The following CEP192 variants were observed in gnomAD, a reference collection of about 807,000 sequenced individuals.
CEP192 encodes centrosomal protein of 192 kDa.
In CEP192, 151 loss-of-function variants were observed where a neutral mutation model predicts 271.8. The ratio of observed to expected loss-of-function variants is 0.56; its 90% CI spans 0.49 to 0.64. The LOEUF (loss-of-function observed/expected upper bound fraction) is 0.64. CEP192 is among the 30% of genes least tolerant of loss of function. CEP192 has a pLI of 0.00. For synonymous variants in CEP192, 995 were observed against 1,076.5 expected (o/e 0.92, Z 1.48); for missense variants, 2,910 against 3,020.5 (o/e 0.96, Z 0.86).
rs1309619382 is a variant in CEP192 at position 13,040,931 on chromosome 18, T to G, written c.1911T>G (p.Ala637=). 5 of 1,611,892 alleles carry G rather than the reference T, an allele frequency of 3.1e-6. No homozygotes were observed. In the South Asian group the frequency reaches 5.5e-5, roughly 18 times the overall value. Residue 637 remains alanine, a synonymous_variant, in exon 14 of 45, where the codon GCT becomes GCG. Transcript: ENST00000506447. ...VSRGNLEKEM[A]HLNHDLYSGD... Reference sequence around the variant, plus strand: ...GAGGTAATTTGGAAAAAGAAATGGCTCATCTTAACCATGATCTATATTCAG... The same window carrying G: ...GAGGTAATTTGGAAAAAGAAATGGCGCATCTTAACCATGATCTATATTCAG...
At chr18:12,997,117 T>C (rs2033298707) in intron 1 of CEP192, among the ~76,000 whole-genome samples, 1 of 152,018 alleles carries the variant, frequency 6.6e-6, no homozygotes, top group African/African-American at 2.4e-5. Context: ...GGGGGCCGAT[T>C]GGTAGAGTGG....
At chr18:13,115,522 G>T (rs777749889) in intron 42 of CEP192, among the ~76,000 whole-genome samples, 1 of 152,120 alleles carries the variant, frequency 6.6e-6, no homozygotes, top group Non-Finnish European at 1.5e-5. Context: ...AGGTATGCGT[G>T]TGTAGGACAA....
At chr18:13,007,867 T>G (rs2034079074) in intron 3 of CEP192, among the ~76,000 whole-genome samples, 1 of 152,246 alleles carries the variant, frequency 6.6e-6, no homozygotes. Context: ...TTTGTTGCAT[T>G]TAGAGGCTTT....
intron 4 of CEP192, among the ~76,000 whole-genome samples, chr18:13,011,965 T>G (rs2034385908): frequency 6.6e-6 from 1 of 152,168 alleles, no homozygotes; most frequent in African/African-American, 2.4e-5. Context: ...GTATTACTCA[T>G]CCACAAAAAG....
chr18:13,055,992 T>C lies in CEP192; in HGVS notation c.3402T>C (p.Phe1134=), dbSNP rs774999588. Residue 1134 remains phenylalanine, a synonymous_variant, in exon 19 of 45, where the codon TTT becomes TTC. Coordinates refer to ENST00000506447, the MANE Select transcript of CEP192 (RefSeq NM_032142.4). The part of the protein sequence containing the change: ...SSKPEYVKPD[F]RWSKDPSSKS... Reference sequence around the variant, plus strand: ...AGCCTGAATATGTAAAACCTGACTTTAGATGGAGTAAAGATCCTTCCTCCA... The same window carrying C: ...AGCCTGAATATGTAAAACCTGACTTCAGATGGAGTAAAGATCCTTCCTCCA... 1.2e-6 allele frequency: 2 copies of C among 1,614,208 alleles called. No homozygotes were observed. The highest frequency in any genetic ancestry group is 1.3e-5 in the African/African-American group (1 of 75,054).
Position 13,124,945 on chromosome 18 carries a change from C to A in CEP192, c.*175C>A. On this transcript the variant is annotated 3_prime_UTR_variant, in exon 45 of 45. Transcript: ENST00000506447. ...TCGACTGAAATATTATGTATCTAGCCCATAGTATTGTACTTAACTTTTACA... is the reference window on the plus strand; with the variant it reads ...TCGACTGAAATATTATGTATCTAGCACATAGTATTGTACTTAACTTTTACA... 11 of 534,950 alleles carry A rather than the reference C, an allele frequency of 2.1e-5. No individual in the cohort carries two copies. The South Asian group carries it at 2.8e-4, about 14-fold the overall frequency. 33.1% of individuals were successfully genotyped at this position (534,950 alleles called of 1,614,324 possible). A position where few individuals can be genotyped will look rare whatever the true frequency, so the allele number is the denominator to read the frequency against.
intron 21 of CEP192, among the ~76,000 whole-genome samples, chr18:13,064,878 C>T (rs1273854223): frequency 5.3e-5 from 8 of 152,032 alleles, no homozygotes; most frequent in African/African-American, 1.4e-4. Context: ...GTAGTATGGA[C>T]GTTTTAACAA....
chr18:13,108,762 C>G (rs2040072089), intron 40 of CEP192, among the ~76,000 whole-genome samples: 1 of 152,160 alleles, frequency 6.6e-6, no homozygotes, highest in Non-Finnish European at 1.5e-5. Flanking sequence ...GTAGTTCTAC[C>G]TACTTGGGAG....
Position 13,114,251 on chromosome 18 carries a change from A to G in CEP192, c.7289A>G (p.Glu2430Gly). The change falls in exon 42 of 45, where the codon GAG becomes GGG. Residue 2430 changes from glutamate to glycine, a missense_variant and splice_region_variant. Transcript: ENST00000506447. ...AVSEASARIP[E>G]QLDVTARGVY... ...TCAGAGGCTTCTGCTCGCATACCTGAGTATGTTGTTTTTGTCATTCTTATG... is the reference window on the plus strand; with the variant it reads ...TCAGAGGCTTCTGCTCGCATACCTGGGTATGTTGTTTTTGTCATTCTTATG... The G allele has an allele frequency of 1.2e-6, 2 of 1,610,378 alleles. No individual in the cohort carries two copies. Among genetic ancestry groups the G allele is most frequent in the Non-Finnish European group, 1.7e-6 (2 of 1,179,146 alleles).
chr18:13,098,139 C>T lies in CEP192; in HGVS notation c.6558-1337C>T, dbSNP rs533260754. ...CAAAACCGCCATTGTCATCATAGCC[C>T]GTTCTCGATGAGCTGTTGGGTACAC... On this transcript the variant is annotated intron_variant, in intron 36 of 44. Coordinates refer to ENST00000506447, the MANE Select transcript of CEP192 (RefSeq NM_032142.4). 5.7e-3 allele frequency among the ~76,000 whole-genome samples: 861 copies of T among 152,366 alleles called. 11 individuals are homozygous for T. Among genetic ancestry groups the T allele is most frequent in the African/African-American group, 0.02 (811 of 41,582 alleles).
At chr18:13,045,713 A>G (rs570308320) in intron 15 of CEP192, among the ~76,000 whole-genome samples, 1 of 152,216 alleles carries the variant, frequency 6.6e-6, no homozygotes, top group East Asian at 1.9e-4. Context: ...TTGTGCATAA[A>G]ATTTGTTGCA....
intron 30 of CEP192, among the ~76,000 whole-genome samples, chr18:13,079,556 G>A (rs886621626): frequency 2.0e-5 from 3 of 152,178 alleles, no homozygotes; most frequent in Non-Finnish European, 4.4e-5. Context: ...CAGATGGGTA[G>A]ATTAAAAAAT....
At chr18:13,111,281 C>T (rs772246606) in intron 40 of CEP192, among the ~76,000 whole-genome samples, 1 of 152,128 alleles carries the variant, frequency 6.6e-6, no homozygotes, top group Non-Finnish European at 1.5e-5. Flanking sequence ...CCCACCACCA[C>T]GCCTGGCTAA....
intron 15 of CEP192, among the ~76,000 whole-genome samples, chr18:13,047,432 C>T (rs755895523): frequency 8.5e-5 from 13 of 152,210 alleles, no homozygotes; most frequent in Non-Finnish European, 1.8e-4. Context: ...TTTATACCTG[C>T]ACTCCCACAA....
intron 34 of CEP192, among the ~76,000 whole-genome samples, chr18:13,094,329 G>T (rs1462800858): frequency 6.6e-6 from 1 of 152,168 alleles, no homozygotes; most frequent in Admixed American, 6.5e-5. Context: ...TTACCAAAGG[G>T]TGATTTCTAA....
chr18:13,030,144 C>T lies in CEP192; in HGVS notation c.1390+142C>T, dbSNP rs185607221. ...TAGTTTAAACAAAATTTTAAATCTA[C>T]TTGTACAGGGAGGATTGCTCAGAAA... is the stretch of plus-strand genomic sequence containing the variant. On this transcript the variant is annotated intron_variant, in intron 10 of 44. Coordinates refer to ENST00000506447, the MANE Select transcript of CEP192 (RefSeq NM_032142.4). The T allele has an allele frequency of 2.3e-4, 164 of 710,230 alleles. No homozygotes were observed. In the African/African-American group the frequency reaches 2.8e-3, roughly 12 times the overall value. The allele number at this position is 710,230 out of a possible 1,614,324, so 44.0% of individuals were successfully genotyped here.
At chr18:13,018,972 G>C in intron 8 of CEP192, 110 bp from the exon 9 acceptor site, 1 of 1,036,560 alleles carries the variant, frequency 9.6e-7, no homozygotes, top group Non-Finnish European at 1.3e-6. Context: ...TGTCATAGGA[G>C]TGCTAAGTAT....
At chr18:13,052,627 A>G (rs1303724733) in intron 17 of CEP192, among the ~76,000 whole-genome samples, 1 of 152,030 alleles carries the variant, frequency 6.6e-6, no homozygotes. Context: ...TCATTTCTCT[A>G]TATCAGATAC....
intron 1 of CEP192, among the ~76,000 whole-genome samples, chr18:12,994,118 A>G (rs576008193): frequency 6.6e-6 from 1 of 152,362 alleles, no homozygotes; most frequent in African/African-American, 2.4e-5. Flanking sequence ...TGTTAAGGAA[A>G]TAGTGATGGA....
Sources: gnomAD v4.1 joint callset for allele counts (sites outside exome capture counted in the v4.1 genomes callset) on GRCh38, gnomAD v4.1.1 for gene constraint, MANE v1.5 for transcripts, NCBI Gene and HGNC (gene_info 2026-07-23, HGNC 2026-07-21) for gene names.